THSD7B: variants seen among roughly 807,000 people sequenced by gnomAD.
THSD7B encodes the protein thrombospondin type 1 domain containing 7B, also known as thrombospondin type-1 domain-containing protein 7B.
A neutral mutation model predicts 213.6 loss-of-function variants in THSD7B; 138 were observed. The observed-to-expected ratio is 0.65, with a 90% CI of 0.56 to 0.74. THSD7B has a LOEUF of 0.74. Ranked by LOEUF, THSD7B falls within the 30% of genes least tolerant of loss-of-function variation. The pLI, the probability that THSD7B is intolerant of heterozygous loss-of-function variation, is 0.00. For missense variants in THSD7B, 1,931 were observed against 1,991.5 expected (o/e 0.97, Z 0.58); for synonymous variants, 742 against 687.0 (o/e 1.08, Z -1.25).
At chr2:137,217,965 A>T (rs1457905526) in intron 7 of THSD7B, among the ~76,000 whole-genome samples, 1 of 152,200 alleles carries the variant, frequency 6.6e-6, no homozygotes, top group Non-Finnish European at 1.5e-5. Flanking sequence ...TAATAAGTGC[A>T]GTTTAACTGC....
At chr2:136,989,783 G>T (rs1685734858) in intron 2 of THSD7B, among the ~76,000 whole-genome samples, 1 of 152,120 alleles carries the variant, frequency 6.6e-6, no homozygotes, top group South Asian at 2.1e-4. Context: ...GCTGGGAGAG[G>T]GGTAGAGATA....
At chr2:137,566,761 G>T (rs1264787276) in intron 16 of THSD7B, among the ~76,000 whole-genome samples, 4 of 151,520 alleles carry the variant, frequency 2.6e-5, no homozygotes, top group African/African-American at 9.7e-5. Flanking sequence ...GAGATAATCT[G>T]ATGATTATAA....
At chr2:136,837,456 G>A (rs1682862516) in intron 1 of THSD7B, among the ~76,000 whole-genome samples, 1 of 152,100 alleles carries the variant, frequency 6.6e-6, no homozygotes, top group South Asian at 2.1e-4. Flanking sequence ...TCACAAATCT[G>A]TGCTCTTCCT....
At chr2:137,059,414 CT>C (rs1156914687) in intron 3 of THSD7B, among the ~76,000 whole-genome samples, 10 of 152,088 alleles carry the variant, frequency 6.6e-5, no homozygotes, top group Admixed American at 6.6e-4. Flanking sequence ...AGGATTCATC[CT>C]TTGTATTGTA....
intron 18 of THSD7B, among the ~76,000 whole-genome samples, chr2:137,617,051 A>G (rs1027089219): frequency 6.6e-6 from 1 of 152,082 alleles, no homozygotes; most frequent in Non-Finnish European, 1.5e-5. Context: ...AATCCTCACC[A>G]CAGCCATGTT....
chr2:137,030,438 G>T (rs1345403841), intron 2 of THSD7B, among the ~76,000 whole-genome samples: 1 of 152,148 alleles, frequency 6.6e-6, no homozygotes, highest in Non-Finnish European at 1.5e-5. Flanking sequence ...AGAAAGTTTT[G>T]AGTGTGAATA....
intron 5 of THSD7B, among the ~76,000 whole-genome samples, chr2:137,143,652 T>G (rs1679635928): frequency 6.6e-6 from 1 of 152,134 alleles, no homozygotes; most frequent in South Asian, 2.1e-4. Context: ...CTATTTAAGT[T>G]TTTGGACTTT....
intron 2 of THSD7B, among the ~76,000 whole-genome samples, chr2:136,982,878 G>A (rs946279360): frequency 2.0e-5 from 3 of 152,104 alleles, no homozygotes; most frequent in African/African-American, 7.2e-5. Flanking sequence ...TGGAAAGATT[G>A]TAAATTCTTT....
intron 5 of THSD7B, among the ~76,000 whole-genome samples, chr2:137,144,146 T>C (rs182281909): frequency 6.6e-6 from 1 of 152,168 alleles, no homozygotes; most frequent in Admixed American, 6.6e-5. Flanking sequence ...GTAGTGCCTT[T>C]TGAGGCATAA....
intron 2 of THSD7B, among the ~76,000 whole-genome samples, chr2:136,999,730 A>G (rs189121542): frequency 1.7e-4 from 26 of 151,666 alleles, no homozygotes; most frequent in Non-Finnish European, 3.4e-4. Flanking sequence ...TTTAGATTAC[A>G]TTTTTCAAAT....
At chr2:137,036,442 A>G (rs1021809890) in intron 2 of THSD7B, among the ~76,000 whole-genome samples, 2 of 152,218 alleles carry the variant, frequency 1.3e-5, no homozygotes, top group Non-Finnish European at 2.9e-5. Flanking sequence ...TGACTATATG[A>G]GAATGAAGGA....
chr2:136,905,218 C>T (rs879726713), intron 2 of THSD7B, among the ~76,000 whole-genome samples: 1 of 152,150 alleles, frequency 6.6e-6, no homozygotes, highest in African/African-American at 2.4e-5. Flanking sequence ...TGAAATCCTA[C>T]CCAACTCTAC....
intron 10 of THSD7B, among the ~76,000 whole-genome samples, chr2:137,247,002 T>C (rs558419870): frequency 6.6e-6 from 1 of 152,244 alleles, no homozygotes; most frequent in East Asian, 1.9e-4. Context: ...TTATAAGCAG[T>C]GAAGGATGAG....
At chr2:137,173,230 T>A (rs930373622) in intron 7 of THSD7B, among the ~76,000 whole-genome samples, 1 of 152,166 alleles carries the variant, frequency 6.6e-6, no homozygotes, top group African/African-American at 2.4e-5. Flanking sequence ...TCCTGAAGAA[T>A]TGGTCGAAGA....
chr2:137,248,222 T>C (rs1397653894), intron 10 of THSD7B, among the ~76,000 whole-genome samples: 1 of 152,182 alleles, frequency 6.6e-6, no homozygotes, highest in African/African-American at 2.4e-5. Context: ...TTCCTTAAGG[T>C]CAGGGAGCTT....
intron 1 of THSD7B, among the ~76,000 whole-genome samples, chr2:136,860,253 G>A (rs903531694): frequency 1.3e-5 from 2 of 151,994 alleles, no homozygotes; most frequent in Admixed American, 6.6e-5. Flanking sequence ...GAGGGAGTGC[G>A]TTGATGGTGG....
intron 14 of THSD7B, among the ~76,000 whole-genome samples, chr2:137,434,517 A>G (rs1457628130): frequency 6.6e-6 from 1 of 152,224 alleles, no homozygotes; most frequent in East Asian, 1.9e-4. Flanking sequence ...TAATATTTCA[A>G]TGGTTTGAAA....
chr2:137,461,521 A>G (rs907810920), intron 15 of THSD7B, among the ~76,000 whole-genome samples: 1 of 151,778 alleles, frequency 6.6e-6, no homozygotes, highest in African/African-American at 2.4e-5. Context: ...TTCCCACTGG[A>G]CTCTGCTCAC....
At chr2:137,091,849 A>G (rs1253200540) in intron 3 of THSD7B, among the ~76,000 whole-genome samples, 3 of 152,136 alleles carry the variant, frequency 2.0e-5, no homozygotes, top group African/African-American at 7.2e-5. Flanking sequence ...GCCTATAACA[A>G]TTTCTGAAAA....
Sources: allele counts gnomAD v4.1 joint callset (sites outside exome capture counted in the v4.1 genomes callset), GRCh38; gene constraint gnomAD v4.1.1; transcripts MANE v1.5; gene names NCBI Gene and HGNC (gene_info 2026-07-23, HGNC 2026-07-21).